Variants in ZC2HC1B observed in about 807,000 individuals in gnomAD.
ZC2HC1B encodes zinc finger C2HC domain-containing protein 1B.
ZC2HC1B carries 36 observed loss-of-function variants against 31.0 expected under a neutral mutation model. The observed-to-expected ratio is 1.16, with a 90% CI of 0.89 to 1.54. The LOEUF is 1.54. Among genes scored for constraint, ZC2HC1B ranks in the 40% most tolerant of loss-of-function variants. The probability of loss-of-function intolerance (pLI) is 0.00; values close to 1 mark genes in which losing one functional copy is unlikely to be tolerated. For missense variants in ZC2HC1B, 260 were observed against 268.6 expected (o/e 0.97, Z 0.22); for synonymous variants, 73 against 88.0 (o/e 0.83, Z 0.95).
rs1176794471 is a variant in ZC2HC1B at position 143,885,494 on chromosome 6, T to C, written c.91-538T>C. 6.6e-6 allele frequency among the ~76,000 whole-genome samples: 1 copy of C among 152,236 alleles called. No homozygotes were observed. The highest frequency in any genetic ancestry group is 1.5e-5 in the Non-Finnish European group (1 of 68,040). ...AATGATTTGATCTTTCTCTCTCCTTTAGCTTAAAATGGATGGCTTGTTCTT... is the reference window on the plus strand; with the variant it reads ...AATGATTTGATCTTTCTCTCTCCTTCAGCTTAAAATGGATGGCTTGTTCTT... On this transcript the variant is annotated intron_variant, in intron 2 of 7. Coordinates refer to ENST00000237275, the MANE Select transcript of ZC2HC1B (RefSeq NM_001013623.3). The surrounding 1 kb of genome is among the most constrained non-coding windows in gnomAD (Gnocchi z 4.2).
rs568832970 is a variant in ZC2HC1B at position 143,904,745 on chromosome 6, G to A, written c.598+1593G>A. Among the ~76,000 whole-genome samples, 42 of 152,176 alleles carry A rather than the reference G, an allele frequency of 2.8e-4. 1 individual carries two copies. The South Asian group carries it at 7.9e-3, about 29-fold the overall frequency. Reference sequence around the variant, plus strand: ...AGCTAAGGCTAGCTTTAGATCTTACGTTTTAGTTCTTTGATCCATTTTGAG... The same window carrying A: ...AGCTAAGGCTAGCTTTAGATCTTACATTTTAGTTCTTTGATCCATTTTGAG... On this transcript the variant is annotated intron_variant, in intron 6 of 7. Coordinates refer to ENST00000237275, the MANE Select transcript of ZC2HC1B (RefSeq NM_001013623.3).
chr6:143,914,035 C>G (rs1279403824), intron 6 of ZC2HC1B, among the ~76,000 whole-genome samples: 3 of 152,188 alleles, frequency 2.0e-5, no homozygotes, highest in African/African-American at 7.2e-5. Context: ...TTCAAAGAAC[C>G]AACTTTTGGT....
chr6:143,875,512 A>G (rs947678085), intron 1 of ZC2HC1B, among the ~76,000 whole-genome samples: 1 of 150,792 alleles, frequency 6.6e-6, no homozygotes, highest in African/African-American at 2.4e-5. Flanking sequence ...AGTCTCTACT[A>G]GTGTCCCCAA....
chr6:143,926,953 G>GGCGCCCGCTACC (rs78536322), intron 6 of ZC2HC1B, among the ~76,000 whole-genome samples: 1 of 107,190 alleles, frequency 9.3e-6, no homozygotes, highest in Non-Finnish European at 1.9e-5. Context: ...TGGGACTACA[G>GGCGCCCGCTACC]GCGCCCGGCT....
At position 143,871,492 on chromosome 6, in the gene ZC2HC1B, A is replaced by G. The variant is rs1018624596; in HGVS notation, c.28+6925A>G. ...ATACCAGGTACCAAGAAATGTGTTA[A>G]TTGGCTCAAACAATGAAACCACATC... On this transcript the variant is annotated intron_variant, in intron 1 of 7. Coordinates refer to ENST00000237275, the MANE Select transcript of ZC2HC1B (RefSeq NM_001013623.3). This position sits in a 1 kb window ranked among gnomAD's most constrained non-coding sequence, Gnocchi z 4.1. Among the ~76,000 whole-genome samples, 2 of 152,218 alleles carry G rather than the reference A, an allele frequency of 1.3e-5. No homozygotes were observed. The highest frequency in any genetic ancestry group is 3.8e-4 in the East Asian group (2 of 5,198).
At chr6:143,906,876 A>C (rs1777800789) in intron 6 of ZC2HC1B, among the ~76,000 whole-genome samples, 1 of 151,900 alleles carries the variant, frequency 6.6e-6, no homozygotes, top group Non-Finnish European at 1.5e-5. Flanking sequence ...CTGCCAGATC[A>C]TCCTAGGTAT....
intron 4 of ZC2HC1B, among the ~76,000 whole-genome samples, chr6:143,898,312 G>A (rs1562341912): frequency 6.6e-6 from 1 of 152,022 alleles, no homozygotes; most frequent in South Asian, 2.1e-4. Context: ...GGAACCACAG[G>A]CACACACCAC....
intron 1 of ZC2HC1B, among the ~76,000 whole-genome samples, chr6:143,882,220 A>G (rs557377515): frequency 6.6e-6 from 1 of 151,588 alleles, no homozygotes; most frequent in African/African-American, 2.4e-5. Flanking sequence ...ATTCATAAAA[A>G]TAGATTATCC....
At position 143,914,000 on chromosome 6, in the gene ZC2HC1B, A is replaced by G. The variant is rs114403494; in HGVS notation, c.598+10848A>G. Among the ~76,000 whole-genome samples the G allele has an allele frequency of 7.5e-3, 1,136 of 152,054 alleles. 12 individuals carry two copies. The highest frequency in any genetic ancestry group is 0.026 in the African/African-American group (1,085 of 41,448). ...ATCGGCCATCTTGGCCCCTCTCCCA[A>G]TGGTTTTTCAATTTATTGATTCTTT... is the stretch of plus-strand genomic sequence containing the variant. On this transcript the variant is annotated intron_variant, in intron 6 of 7. Transcript: ENST00000237275. This position sits in a 1 kb window ranked among gnomAD's most constrained non-coding sequence, Gnocchi z 5.7.
chr6:143,902,137 C>T (rs1284988153), intron 5 of ZC2HC1B, among the ~76,000 whole-genome samples: 1 of 152,132 alleles, frequency 6.6e-6, no homozygotes, highest in Non-Finnish European at 1.5e-5. Flanking sequence ...TTCCTTCACT[C>T]ACTGTAGAGT....
rs1367878115 is a variant in ZC2HC1B, at chr6:143,885,439, C to G, written c.91-593C>G. ...TACTTTTGAGTTTCATTTCCTAAGC[C>G]TATTTCTAGGCTATGGAGGGCATTG... On this transcript the variant is annotated intron_variant, in intron 2 of 7. Transcript: ENST00000237275. This position sits in a 1 kb window ranked among gnomAD's most constrained non-coding sequence, Gnocchi z 4.2. 6.6e-6 allele frequency among the ~76,000 whole-genome samples: 1 copy of G among 152,188 alleles called. No homozygotes were observed. Among genetic ancestry groups the G allele is most frequent in the African/African-American group, 2.4e-5 (1 of 41,432 alleles).
intron 1 of ZC2HC1B, among the ~76,000 whole-genome samples, chr6:143,881,121 A>G (rs1450414341): frequency 6.6e-6 from 1 of 152,126 alleles, no homozygotes; most frequent in East Asian, 1.9e-4. Flanking sequence ...TACAGTCTCT[A>G]ATCTGTGTCC....
chr6:143,881,545 T>A (rs1777467426), intron 1 of ZC2HC1B, among the ~76,000 whole-genome samples: 1 of 107,254 alleles, frequency 9.3e-6, no homozygotes, highest in Non-Finnish European at 1.7e-5. Flanking sequence ...ACCGAGACCC[T>A]GTCTCAAAAA....
In ZC2HC1B at chr6:143,905,020, G is replaced by C. The variant is rs1582965740; in HGVS notation, c.598+1868G>C. ...CATCAGGAACTGTGAGTCCTCCAAG[G>C]TACAGCCAAGATTGTTTTGGCTATT... On this transcript the variant is annotated intron_variant, in intron 6 of 7. Coordinates refer to ENST00000237275, the MANE Select transcript of ZC2HC1B (RefSeq NM_001013623.3). This position sits in a 1 kb window ranked among gnomAD's most constrained non-coding sequence, Gnocchi z 4.2. Among the ~76,000 whole-genome samples the C allele has an allele frequency of 6.6e-6, 1 of 152,098 alleles. No homozygotes were observed. The highest frequency in any genetic ancestry group is 2.1e-4 in the South Asian group (1 of 4,824).
chr6:143,916,121 G>A (rs1436756975), intron 6 of ZC2HC1B, among the ~76,000 whole-genome samples: 1 of 152,184 alleles, frequency 6.6e-6, no homozygotes, highest in Non-Finnish European at 1.5e-5. Flanking sequence ...TCTGATGTGT[G>A]CAGTCTAGGG....
rs1777932569 is a variant in ZC2HC1B at position 143,917,434 on chromosome 6, T to A, written c.598+14282T>A. ...ATTTCCTTTTGTATGTATAACTATT[T>A]TCTTAGTAGTTACCATGGGGACTAC... On this transcript the variant is annotated intron_variant, in intron 6 of 7. Coordinates refer to ENST00000237275, the MANE Select transcript of ZC2HC1B (RefSeq NM_001013623.3). The surrounding 1 kb of genome is among the most constrained non-coding windows in gnomAD (Gnocchi z 4.1). Among the ~76,000 whole-genome samples, 1 of 152,256 alleles carries A rather than the reference T, an allele frequency of 6.6e-6. No homozygotes were observed. The highest frequency in any genetic ancestry group is 1.5e-5 in the Non-Finnish European group (1 of 68,050).
rs374594539 is a variant in ZC2HC1B, at chr6:143,877,525, C to T, written c.29-6779C>T. The stretch of plus-strand genomic sequence containing the variant: ...CTCAAACTACCAACCTCGGGTGATC[C>T]GCCCGCCTCTGCCTCCCAAAGTGCT... On this transcript the variant is annotated intron_variant, in intron 1 of 7. Coordinates refer to ENST00000237275, the MANE Select transcript of ZC2HC1B (RefSeq NM_001013623.3). Among the ~76,000 whole-genome samples the T allele has an allele frequency of 3.1e-4, 47 of 149,898 alleles. 1 individual carries two copies. Among genetic ancestry groups the T allele is most frequent in the African/African-American group, 1.1e-3 (43 of 40,656 alleles).
Position 143,895,384 on chromosome 6 carries a change from A to C in ZC2HC1B, c.350-3168A>C, listed in dbSNP as rs570481663. 6.6e-6 allele frequency among the ~76,000 whole-genome samples: 1 copy of C among 152,216 alleles called. No homozygotes were observed. Among genetic ancestry groups the C allele is most frequent in the South Asian group, 2.1e-4 (1 of 4,808 alleles). On this transcript the variant is annotated intron_variant, in intron 4 of 7. Transcript: ENST00000237275. The surrounding 1 kb of genome is among the most constrained non-coding windows in gnomAD (Gnocchi z 4.8). ...CATCATATTGGTCAGGCTGATCTTG[A>C]ACTCCTGACCTCAGGTAATGCACAT... is the stretch of plus-strand genomic sequence containing the variant.
At position 143,883,318 on chromosome 6, in the gene ZC2HC1B, C is replaced by T. The variant is rs1357786987; in HGVS notation, c.29-986C>T. 6.6e-6 allele frequency among the ~76,000 whole-genome samples: 1 copy of T among 152,296 alleles called. No homozygotes were observed. Among genetic ancestry groups the T allele is most frequent in the South Asian group, 2.1e-4 (1 of 4,822 alleles). On this transcript the variant is annotated intron_variant, in intron 1 of 7. Transcript: ENST00000237275. The surrounding 1 kb of genome is among the most constrained non-coding windows in gnomAD (Gnocchi z 4.1). Reference sequence around the variant, plus strand: ...CCTCCCATAGTGTTGGGATTACAGGCGTGAGCCACCACACCTGACCCACCT... The same window carrying T: ...CCTCCCATAGTGTTGGGATTACAGGTGTGAGCCACCACACCTGACCCACCT...
Sources: allele counts gnomAD v4.1 joint callset (sites outside exome capture counted in the v4.1 genomes callset), GRCh38; gene constraint gnomAD v4.1.1; non-coding constraint Gnocchi (gnomAD v3.1); transcripts MANE v1.5; gene names NCBI Gene and HGNC (gene_info 2026-07-23, HGNC 2026-07-21).